Variants in STXBP2 observed in about 807,000 individuals in gnomAD.
STXBP2 encodes the protein syntaxin binding protein 2.
STXBP2 carries 47 observed loss-of-function variants against 72.2 expected under a neutral mutation model. The observed-to-expected ratio is 0.65, with a 90% CI of 0.51 to 0.83. STXBP2 has a LOEUF of 0.83. Among genes scored for constraint, STXBP2 ranks in the 40% least tolerant of loss-of-function variants. The pLI is 0.00. For synonymous variants in STXBP2, 367 were observed against 338.7 expected, an observed-to-expected ratio of 1.08 and a Z score of -0.92; for missense variants, 702 against 807.6, an observed-to-expected ratio of 0.87 and a Z score of 1.58.
chr19:7,638,033 T>C (rs923436912), intron 1 of STXBP2, among the ~76,000 whole-genome samples: 6 of 152,122 alleles, frequency 3.9e-5, no homozygotes, highest in East Asian at 1.9e-4. Context: ...TTAGACCAGG[T>C]TGGGGGGACT....
chr19:7,640,442 ATGTG>A (rs964266844), intron 4 of STXBP2: 27 of 601,832 alleles, frequency 4.5e-5, no homozygotes, highest in Middle Eastern at 4.2e-4. Context: ...GTGTGTGTGC[ATGTG>A]TGTATGTATG....
At chr19:7,631,312 G>A in the STXBP2 span, 2,720 of 1,411,512 alleles carry the variant, frequency 1.9e-3, 39 homozygotes, top group African/African-American at 0.033. Flanking sequence ...GATCCCACGC[G>A]GACCCCTTTG....
chr19:7,645,175 C>T (rs1465053798), intron 14 of STXBP2, 22 bp from the exon 15 acceptor site: 4 of 1,552,418 alleles, frequency 2.6e-6, no homozygotes, highest in Admixed American at 2.0e-5. Context: ...CCGCCTCCAC[C>T]CTGCCCATTC....
chr19:7,631,749 G>A, the STXBP2 span: 8 of 1,440,300 alleles, frequency 5.6e-6, no homozygotes, highest in African/African-American at 1.0e-4. Context: ...GAGCGGTCGG[G>A]TCCTGAGGGG....
chr19:7,640,216 C>CTGCGTCTGTGTG (rs765930323), intron 4 of STXBP2: 1 of 477,140 alleles, frequency 2.1e-6, no homozygotes, highest in Non-Finnish European at 3.9e-6. Flanking sequence ...ATGTATGTGT[C>CTGCGTCTGTGTG]TGCGTCTGTG....
At chr19:7,640,121 C>T (rs548707258) in intron 4 of STXBP2, 57 of 517,698 alleles carry the variant, frequency 1.1e-4, no homozygotes, top group African/African-American at 4.3e-4. Flanking sequence ...TGTGTGTATG[C>T]GTGTGTATGT....
intron 13 of STXBP2, 143 bp from the exon 14 acceptor site, chr19:7,644,470 TG>T: frequency 9.0e-7 from 1 of 1,107,564 alleles, no homozygotes; most frequent in Non-Finnish European, 1.3e-6. Flanking sequence ...TGGACAGGGG[TG>T]GGACCTTGAG....
Position 7,642,552 on chromosome 19 carries a change from G to T in STXBP2, c.902+16G>T. The T allele has an allele frequency of 6.2e-7, 1 of 1,612,276 alleles. No homozygotes were observed. The highest frequency in any genetic ancestry group is 8.5e-7 in the Non-Finnish European group (1 of 1,179,020). ...ATGTGTCCAAGTGCGTGCACACGGG[G>T]ACCGGATCCCCCCCCCACCGCCCAC... On this transcript the variant is annotated intron_variant, in intron 10 of 18. Coordinates refer to ENST00000221283, the MANE Select transcript of STXBP2 (RefSeq NM_006949.4). The surrounding 1 kb of genome is among the most constrained non-coding windows in gnomAD (Gnocchi z 6.0).
In STXBP2 at chr19:7,647,168, G is replaced by A. The variant is rs150174842; in HGVS notation, c.1459G>A (p.Val487Met). Residue 487 changes from valine (V) to methionine (M), a missense_variant, in exon 17 of 19, where the codon GTG becomes ATG. By Grantham distance (21) the Val-to-Met change is conservative (BLOSUM62 1). Coordinates refer to ENST00000221283, the MANE Select transcript of STXBP2 (RefSeq NM_006949.4). ...CCTGCCTCTCGGCCGCCAGGACGCC[G>A]TGGAGGACCGGCTGGACAGGAACCT... Reference protein sequence around the residue: ...PVIKDVMEDAVEDRLDRNLWP... With the variant: ...PVIKDVMEDAMEDRLDRNLWP... The A allele has an allele frequency of 3.3e-4, 526 of 1,611,864 alleles. No homozygotes were observed. In the African/African-American group the frequency reaches 5.8e-3, roughly 18 times the overall value.
At position 7,644,738 on chromosome 19, in the gene STXBP2, T is replaced by G; in HGVS notation, c.1232T>G (p.Ile411Ser). 6.2e-7 allele frequency: 1 copy of G among 1,613,494 alleles called. No homozygotes were observed. The highest frequency in any genetic ancestry group is 1.1e-5 in the South Asian group (1 of 91,068). ...YDKIRVLLLY[I>S]LLRNGVSEEN... is the part of the protein sequence containing the mutation. ...AAGATCCGGGTCCTGCTGCTCTACA[T>G]CCTCCTTCGGAATGGTGGGTGGGGG... Residue 411 changes from isoleucine (I) to serine (S), a missense_variant, in exon 14 of 19, where the codon ATC becomes AGC. Transcript: ENST00000221283.
Position 7,639,790 on chromosome 19 carries a change from C to G in STXBP2, c.229C>G (p.Leu77Val). ...PIPSLEAIYLLSPTEKSVQAL... is the reference protein window; with the variant it reads ...PIPSLEAIYLVSPTEKSVQAL... ...TCCCAGTCTGGAGGCCATTTATTTG[C>G]TGAGCCCCACGGAGAAGGTGCCTAC... The change falls in exon 4 of 19, where the codon CTG (leucine) becomes GTG (valine). Residue 77 changes from leucine (L) to valine (V), a missense_variant. Transcript: ENST00000221283. 2 of 1,613,892 alleles carry G rather than the reference C, an allele frequency of 1.2e-6. No homozygotes were observed. Among genetic ancestry groups the G allele is most frequent in the Non-Finnish European group, 1.7e-6 (2 of 1,179,980 alleles).
chr19:7,642,677 C>T lies in STXBP2; in HGVS notation c.903-89C>T, dbSNP rs2031942256. 2.3e-5 allele frequency: 34 copies of T among 1,484,650 alleles called. No homozygotes were observed. The highest frequency in any genetic ancestry group is 2.1e-4 in the South Asian group (18 of 87,332). 92.0% of individuals were successfully genotyped at this position (1,484,650 alleles called of 1,614,324 possible). ...CTCCAGACTGGCCTCCAATTTCACCCCACCTCTCCCTGTCCCCCCTGAGTG... is the reference window on the plus strand; with the variant it reads ...CTCCAGACTGGCCTCCAATTTCACCTCACCTCTCCCTGTCCCCCCTGAGTG... On this transcript the variant is annotated intron_variant, in intron 10 of 18. Transcript: ENST00000221283. This position sits in a 1 kb window ranked among gnomAD's most constrained non-coding sequence, Gnocchi z 6.0.
intron 14 of STXBP2, chr19:7,644,954 G>T: frequency 6.9e-7 from 1 of 1,448,452 alleles, no homozygotes; most frequent in Non-Finnish European, 9.1e-7. Flanking sequence ...CCCTGCTAAC[G>T]TAGAAACCCT....
rs201657700 is a variant in STXBP2, at chr19:7,639,825, C to T, written c.246+18C>T. ...CGGAGAAGGTGCCTACATGAGTGAG[C>T]GTGTGTGTATGCGCGTGCATGCGTG... On this transcript the variant is annotated intron_variant, in intron 4 of 18. Coordinates refer to ENST00000221283, the MANE Select transcript of STXBP2 (RefSeq NM_006949.4). The T allele has an allele frequency of 2.3e-3, 3,632 of 1,613,042 alleles. 3 individuals carry two copies. The highest frequency in any genetic ancestry group is 2.9e-3 in the Non-Finnish European group (3,423 of 1,179,512).
chr19:7,630,618 A>G, the STXBP2 span: 4 of 1,537,216 alleles, frequency 2.6e-6, no homozygotes, highest in Admixed American at 3.9e-5. Flanking sequence ...CTGGGTTTCC[A>G]ATCAGGCCGA....
upstream of STXBP2, chr19:7,633,087 G>T: frequency 1.6e-6 from 2 of 1,220,948 alleles, no homozygotes; most frequent in Non-Finnish European, 2.2e-6. Flanking sequence ...GACAGGCTCC[G>T]ATGCGTGTCC....
chr19:7,637,546 G>A (rs1257364933), intron 1 of STXBP2, among the ~76,000 whole-genome samples: 2 of 152,058 alleles, frequency 1.3e-5, no homozygotes, highest in East Asian at 3.9e-4. Context: ...TTCAGGGGCT[G>A]GATTCTTGGG....
At chr19:7,643,098 T>C (rs927515707) in intron 12 of STXBP2, 50 bp downstream of exon 12, 2 of 1,613,980 alleles carry the variant, frequency 1.2e-6, no homozygotes, top group Non-Finnish European at 1.7e-6. Flanking sequence ...CTCAACCCCA[T>C]GCTCTGTCTG....
At chr19:7,641,272 G>T (rs1288980348) in intron 6 of STXBP2, 1 of 529,796 alleles carries the variant, frequency 1.9e-6, no homozygotes, top group Non-Finnish European at 3.4e-6. Context: ...CATGGGGCTG[G>T]GGTGGGAGAG....
Sources: allele counts gnomAD v4.1 joint callset (sites outside exome capture counted in the v4.1 genomes callset), GRCh38; gene constraint gnomAD v4.1.1; non-coding constraint Gnocchi (gnomAD v3.1); transcripts MANE v1.5; gene names NCBI Gene and HGNC (gene_info 2026-07-23, HGNC 2026-07-21).